Variants in GOLIM4 observed in about 807,000 individuals in gnomAD.
GOLIM4 encodes the protein 130 kDa golgi-localized phosphoprotein.
GOLIM4 carries 71 observed loss-of-function variants against 107.4 expected under a neutral mutation model. The ratio of observed to expected loss-of-function variants is 0.66; its 90% CI spans 0.55 to 0.81. The LOEUF is 0.81. Ranked by LOEUF, GOLIM4 falls within the 30% of genes least tolerant of loss-of-function variation. The probability of loss-of-function intolerance (pLI) is 0.00; values close to 1 mark genes in which losing one functional copy is unlikely to be tolerated. For missense variants in GOLIM4, 830 were observed against 826.1 expected (o/e 1.00, Z -0.06); for synonymous variants, 327 against 294.8 (o/e 1.11, Z -1.12).
chr3:168,027,363 T>A (rs1219730835), intron 12 of GOLIM4, among the ~76,000 whole-genome samples: 1 of 152,168 alleles, frequency 6.6e-6, no homozygotes, highest in Non-Finnish European at 1.5e-5. Flanking sequence ...TCTGGTCCCA[T>A]CTCCAACTTC....
intron 1 of GOLIM4, among the ~76,000 whole-genome samples, chr3:168,084,622 T>C (rs1721534779): frequency 6.6e-6 from 1 of 152,212 alleles, no homozygotes; most frequent in South Asian, 2.1e-4. Flanking sequence ...AGTTGTGAGA[T>C]AATGTTCATT....
chr3:168,021,082 G>A (rs1336885780), intron 14 of GOLIM4, among the ~76,000 whole-genome samples: 1 of 152,114 alleles, frequency 6.6e-6, no homozygotes, highest in Non-Finnish European at 1.5e-5. Context: ...TTAGAAATGA[G>A]CCTTATCTGA....
intron 1 of GOLIM4, among the ~76,000 whole-genome samples, chr3:168,066,343 A>G (rs1720544951): frequency 6.6e-6 from 1 of 152,182 alleles, no homozygotes; most frequent in Admixed American, 6.5e-5. Context: ...TGAGTAGCTG[A>G]TGTTTATTAT....
intron 14 of GOLIM4, among the ~76,000 whole-genome samples, chr3:168,016,791 A>G (rs1278217756): frequency 1.4e-5 from 2 of 139,842 alleles, no homozygotes; most frequent in Non-Finnish European, 2.9e-5. Flanking sequence ...CTATCGCAAG[A>G]ACAAAAAACC....
chr3:168,095,100 T>C lies in GOLIM4; in HGVS notation c.186A>G (p.Gln62=), dbSNP rs779864014. The change falls in exon 1 of 16, where the codon CAA becomes CAG. Residue 62 remains glutamine (Q), a splice_region_variant and synonymous_variant. Transcript: ENST00000470487. Reference sequence around the variant, plus strand: ...CTGCGCGCGTCCCGTTAGCCGTACCTTGTAACTGGGCGGAGAGGGACTCCT... The same window carrying C: ...CTGCGCGCGTCCCGTTAGCCGTACCCTGTAACTGGGCGGAGAGGGACTCCT... The part of the protein sequence containing the change: ...QHQESLSAQL[Q]VVYEHRSRLE... 6.3e-7 allele frequency: 1 copy of C among 1,599,922 alleles called. No homozygotes were observed. Among genetic ancestry groups the C allele is most frequent in the Non-Finnish European group, 8.6e-7 (1 of 1,169,290 alleles).
intron 14 of GOLIM4, among the ~76,000 whole-genome samples, chr3:168,011,388 G>A (rs922772523): frequency 2.6e-5 from 4 of 152,212 alleles, no homozygotes; most frequent in African/African-American, 4.8e-5. Flanking sequence ...GGCTTGGAGG[G>A]TCCTACGCCC....
chr3:168,081,876 A>G (rs1003824374), intron 1 of GOLIM4, among the ~76,000 whole-genome samples: 3 of 152,144 alleles, frequency 2.0e-5, no homozygotes, highest in Non-Finnish European at 4.4e-5. Context: ...TAAGTCTCCA[A>G]TCAGAATTAT....
At chr3:168,082,117 T>C (rs190199124) in intron 1 of GOLIM4, among the ~76,000 whole-genome samples, 1 of 152,282 alleles carries the variant, frequency 6.6e-6, no homozygotes, top group East Asian at 1.9e-4. Flanking sequence ...AATGATGTTT[T>C]GAGGAACTGA....
chr3:168,064,041 G>A (rs1010361007), intron 1 of GOLIM4, among the ~76,000 whole-genome samples: 2 of 152,132 alleles, frequency 1.3e-5, no homozygotes, highest in African/African-American at 4.8e-5. Flanking sequence ...ATACCACCCT[G>A]CATCATAATA....
At chr3:168,045,293 C>G (rs748163311) in intron 3 of GOLIM4, among the ~76,000 whole-genome samples, 2 of 152,144 alleles carry the variant, frequency 1.3e-5, no homozygotes, top group Non-Finnish European at 2.9e-5. Flanking sequence ...GCGGGCCTCA[C>G]AAGCTGAGCA....
intron 14 of GOLIM4, among the ~76,000 whole-genome samples, chr3:168,016,994 T>C (rs1448908092): frequency 6.6e-6 from 1 of 150,958 alleles, no homozygotes; most frequent in South Asian, 2.1e-4. Flanking sequence ...TATACATATG[T>C]AACTAACCTG....
chr3:168,036,779 T>C (rs1718672728), intron 8 of GOLIM4, 57 bp downstream of exon 8: 2 of 1,411,090 alleles, frequency 1.4e-6, no homozygotes, highest in South Asian at 1.5e-5. Flanking sequence ...AGGTCCCCTC[T>C]TGGCAACTTG....
chr3:168,011,692 G>C (rs1717043926), intron 14 of GOLIM4, among the ~76,000 whole-genome samples: 1 of 146,736 alleles, frequency 6.8e-6, no homozygotes, highest in Non-Finnish European at 1.5e-5. Context: ...CGCAGCTGGA[G>C]ATCTGAGAAC....
At chr3:168,076,609 T>C (rs1261588078) in intron 1 of GOLIM4, among the ~76,000 whole-genome samples, 1 of 152,136 alleles carries the variant, frequency 6.6e-6, no homozygotes, top group Non-Finnish European at 1.5e-5. Flanking sequence ...AAGAATTGCT[T>C]GAACCTGGGA....
intron 1 of GOLIM4, among the ~76,000 whole-genome samples, chr3:168,091,728 C>T (rs1172670354): frequency 3.9e-5 from 6 of 152,324 alleles, no homozygotes; most frequent in Middle Eastern, 3.4e-3. Context: ...AAGAGCTCTA[C>T]AGTCTATCAT....
At chr3:168,038,097 G>A in intron 7 of GOLIM4, among the ~76,000 whole-genome samples, 1 of 152,138 alleles carries the variant, frequency 6.6e-6, no homozygotes. Flanking sequence ...TGTACACTAG[G>A]GTAATGAAGT....
At chr3:168,030,151 G>T in intron 9 of GOLIM4, 115 bp from the exon 10 acceptor site, 2 of 1,001,648 alleles carry the variant, frequency 2.0e-6, no homozygotes, top group Non-Finnish European at 2.9e-6. Context: ...ACGACTATTT[G>T]TCAGGTGAAC....
intron 12 of GOLIM4, 65 bp downstream of exon 12, chr3:168,027,642 CTGAAGGCTGGCATCAGGCAAG>C: frequency 1.3e-6 from 1 of 792,028 alleles, no homozygotes; most frequent in Non-Finnish European, 2.2e-6. Context: ...ATATCTGGGG[CTGAAGGCTGGCATCAGGCAAG>C]TTTTCAACTC....
chr3:168,083,003 A>C (rs910451812), intron 1 of GOLIM4, among the ~76,000 whole-genome samples: 1 of 152,218 alleles, frequency 6.6e-6, no homozygotes, highest in Non-Finnish European at 1.5e-5. Flanking sequence ...AAATAAAAAG[A>C]ATATTTTTCT....
Sources: gnomAD v4.1 joint callset for allele counts (sites outside exome capture counted in the v4.1 genomes callset) on GRCh38, gnomAD v4.1.1 for gene constraint, MANE v1.5 for transcripts, NCBI Gene and HGNC (gene_info 2026-07-23, HGNC 2026-07-21) for gene names.